Variants in UMAD1 observed in about 807,000 individuals in gnomAD.
The protein encoded by UMAD1 is UBAP1-MVB12-associated (UMA)-domain containing protein 1.
Under a neutral mutation model 6.1 loss-of-function variants are expected in UMAD1, and 8 were observed. The ratio of observed to expected loss-of-function variants is 1.30; its 90% CI spans 0.76 to 2.35. The LOEUF (loss-of-function observed/expected upper bound fraction) is 2.35, where lower values mean the gene tolerates loss of function less well. UMAD1 is among the 30% of genes most tolerant of loss of function. The pLI is 0.00. For missense variants in UMAD1, 130 were observed against 78.4 expected (o/e 1.66, Z -2.49); for synonymous variants, 56 against 31.4 (o/e 1.78, Z -2.61).
chr7:7,816,038 T>TA (rs567921125), intron 3 of UMAD1, among the ~76,000 whole-genome samples: 139 of 151,842 alleles, frequency 9.2e-4, no homozygotes, highest in South Asian at 2.5e-3. Context: ...GACATTAATT[T>TA]AAAAAAAAAT....
In UMAD1 at chr7:7,673,711, CTT is replaced by C. The variant is rs1303262041; in HGVS notation, c.82+268_82+269del. 1.8e-3 allele frequency among the ~76,000 whole-genome samples: 159 copies of C among 88,486 alleles called. 4 individuals are homozygous for C. The highest frequency in any genetic ancestry group is 8.9e-3 in the Admixed American group (73 of 8,228). 58.1% of individuals were successfully genotyped at this position (88,486 alleles called of 152,430 possible). A position where few individuals can be genotyped will look rare whatever the true frequency, so the allele number is the denominator to read the frequency against. Reference sequence around the variant, plus strand: ...TGTAAAATCACTTCTTTTTCCCCCCCTTTTTTTTTTTAACTGTGGAAAATCTA... The same window carrying C: ...TGTAAAATCACTTCTTTTTCCCCCCCTTTTTTTTTAACTGTGGAAAATCTA... On this transcript the variant is annotated intron_variant, in intron 2 of 3. Transcript: ENST00000682710.
At chr7:7,684,299 T>G (rs950957212) in intron 2 of UMAD1, among the ~76,000 whole-genome samples, 3 of 152,100 alleles carry the variant, frequency 2.0e-5, no homozygotes, top group Non-Finnish European at 4.4e-5. Context: ...CCTCCCGCGT[T>G]CAAGCAATTC....
chr7:7,767,753 C>G (rs1782018043), intron 2 of UMAD1, among the ~76,000 whole-genome samples: 1 of 152,094 alleles, frequency 6.6e-6, no homozygotes, highest in East Asian at 1.9e-4. Context: ...TATTATAACT[C>G]TGTATTACAT....
At chr7:7,668,070 C>A (rs1259027372) in intron 1 of UMAD1, among the ~76,000 whole-genome samples, 1 of 152,090 alleles carries the variant, frequency 6.6e-6, no homozygotes, top group Non-Finnish European at 1.5e-5. Context: ...GCACACACCA[C>A]CACAGCTGGC....
intron 2 of UMAD1, among the ~76,000 whole-genome samples, chr7:7,732,829 G>A (rs1426572535): frequency 6.6e-6 from 1 of 152,178 alleles, no homozygotes; most frequent in Admixed American, 6.5e-5. Flanking sequence ...AACTTTGAAT[G>A]TGTTATATGG....
Position 7,830,564 on chromosome 7 carries a change from A to C in UMAD1, c.156+28821A>C, listed in dbSNP as rs1175495330. Among the ~76,000 whole-genome samples, 1 of 151,892 alleles carries C rather than the reference A, an allele frequency of 6.6e-6. No individual in the cohort carries two copies. Among genetic ancestry groups the C allele is most frequent in the Non-Finnish European group, 1.5e-5 (1 of 68,002 alleles). On this transcript the variant is annotated intron_variant, in intron 3 of 3. Transcript: ENST00000682710. This position sits in a 1 kb window ranked among gnomAD's most constrained non-coding sequence, Gnocchi z 5.3. ...TTTTCTTCTTTGCTCTGGGTGCCCA[A>C]AAACTGTGAGCCAACTTCAAAGTGT...
chr7:7,764,932 C>T (rs1472566236), intron 2 of UMAD1, among the ~76,000 whole-genome samples: 2 of 152,008 alleles, frequency 1.3e-5, no homozygotes, highest in Non-Finnish European at 2.9e-5. Context: ...TAGCTCTGAT[C>T]ATGTTTGTAC....
chr7:7,763,688 C>T (rs1781935112), intron 2 of UMAD1, among the ~76,000 whole-genome samples: 1 of 152,162 alleles, frequency 6.6e-6, no homozygotes, highest in Non-Finnish European at 1.5e-5. Context: ...ACCAGCCTGA[C>T]CAACATGGAG....
chr7:7,723,571 G>T (rs1781088440), intron 2 of UMAD1, among the ~76,000 whole-genome samples: 1 of 152,188 alleles, frequency 6.6e-6, no homozygotes, highest in South Asian at 2.1e-4. Flanking sequence ...GGGTCCAGAA[G>T]ATATACTTTT....
intron 2 of UMAD1, among the ~76,000 whole-genome samples, chr7:7,693,238 T>C (rs28912715): frequency 1.9e-4 from 29 of 152,314 alleles, no homozygotes; most frequent in Non-Finnish European, 3.8e-4. Flanking sequence ...TTGTTTCCAG[T>C]ATACAATTCA....
At chr7:7,793,079 C>T (rs901772333) in intron 2 of UMAD1, among the ~76,000 whole-genome samples, 5 of 152,200 alleles carry the variant, frequency 3.3e-5, no homozygotes, top group South Asian at 4.1e-4. Flanking sequence ...TGATGCTGAA[C>T]GAGCGTGTCG....
At chr7:7,648,075 G>C (rs780440833) in intron 1 of UMAD1, among the ~76,000 whole-genome samples, 2 of 152,220 alleles carry the variant, frequency 1.3e-5, no homozygotes, top group Non-Finnish European at 2.9e-5. Flanking sequence ...TTAGCTGACA[G>C]CTGGCCTGGG....
At chr7:7,841,494 G>C (rs1038958550) in intron 3 of UMAD1, among the ~76,000 whole-genome samples, 2 of 151,854 alleles carry the variant, frequency 1.3e-5, no homozygotes, top group African/African-American at 4.8e-5. Context: ...TGTAGAGTTG[G>C]GTTCTCCTTA....
Position 7,777,411 on chromosome 7 carries a change from C to T in UMAD1, c.83-24259C>T, listed in dbSNP as rs374896066. 1.5e-4 allele frequency among the ~76,000 whole-genome samples: 22 copies of T among 148,956 alleles called. No individual in the cohort carries two copies. In the East Asian group the frequency reaches 2.6e-3, roughly 17 times the overall value. On this transcript the variant is annotated intron_variant, in intron 2 of 3. Transcript: ENST00000682710. The stretch of plus-strand genomic sequence containing the variant: ...ATCCCAGCTACTCGGGAGGATGAGG[C>T]AGGAGAATCGCCTGAACCCGGGAGG...
At chr7:7,799,602 G>C (rs542700824) in intron 2 of UMAD1, among the ~76,000 whole-genome samples, 1 of 152,148 alleles carries the variant, frequency 6.6e-6, no homozygotes, top group Non-Finnish European at 1.5e-5. Flanking sequence ...TTTATAGTGC[G>C]TTATACGTAT....
chr7:7,680,313 T>C (rs1184031384), intron 2 of UMAD1, among the ~76,000 whole-genome samples: 11 of 152,174 alleles, frequency 7.2e-5, no homozygotes, highest in Non-Finnish European at 1.3e-4. Context: ...TCCCAATGTA[T>C]ATCCTTGGCA....
intron 2 of UMAD1, among the ~76,000 whole-genome samples, chr7:7,789,787 C>T (rs1782534087): frequency 6.6e-6 from 1 of 152,156 alleles, no homozygotes; most frequent in South Asian, 2.1e-4. Flanking sequence ...GTATCAATTT[C>T]CCCTTAAAGC....
chr7:7,751,609 G>A (rs536996889), intron 2 of UMAD1, among the ~76,000 whole-genome samples: 225 of 152,218 alleles, frequency 1.5e-3, no homozygotes, highest in Non-Finnish European at 2.5e-3. Context: ...GGGACAGGTG[G>A]GGACAAACAC....
At chr7:7,715,286 A>G (rs1780871784) in intron 2 of UMAD1, 1 of 152,146 alleles carries the variant, frequency 6.6e-6, no homozygotes, top group Non-Finnish European at 1.5e-5. Context: ...AGATTTATGA[A>G]TACAGTTTCA....
Sources: gnomAD v4.1 joint callset for allele counts (sites outside exome capture counted in the v4.1 genomes callset) on GRCh38, gnomAD v4.1.1 for gene constraint, Gnocchi (gnomAD v3.1) non-coding constraint, MANE v1.5 for transcripts, NCBI Gene and HGNC (gene_info 2026-07-23, HGNC 2026-07-21) for gene names.